Variants in NRP1 observed in about 807,000 individuals in gnomAD.
NRP1 encodes the protein neuropilin-1.
In NRP1, 35 loss-of-function variants were observed where a neutral mutation model predicts 106.7. That is an observed-to-expected ratio of 0.33 (90% CI 0.25 to 0.43). The LOEUF is 0.43. NRP1 is among the 20% of genes least tolerant of loss of function. The pLI is 1.00. For missense variants in NRP1, 1,024 were observed against 1,170.4 expected (o/e 0.87, Z 1.83); for synonymous variants, 437 against 417.9 (o/e 1.05, Z -0.56).
intron 6 of NRP1, among the ~76,000 whole-genome samples, chr10:33,230,942 G>A (rs1399359229): frequency 1.3e-5 from 2 of 152,138 alleles, no homozygotes; most frequent in Admixed American, 1.3e-4. Context: ...TCTCACTGGT[G>A]TAGATGTCTC....
chr10:33,308,859 T>C (rs1259219092), intron 2 of NRP1, among the ~76,000 whole-genome samples: 6 of 152,120 alleles, frequency 3.9e-5, no homozygotes, highest in African/African-American at 1.2e-4. Context: ...GCCAAAAATA[T>C]ATATTTTAAA....
At chr10:33,299,786 T>TA (rs1305924403) in intron 2 of NRP1, among the ~76,000 whole-genome samples, 4 of 151,916 alleles carry the variant, frequency 2.6e-5, no homozygotes, top group African/African-American at 4.8e-5. Context: ...ACCCCGTCTC[T>TA]AAAAAAAATA....
chr10:33,228,943 C>A (rs1839894945), intron 6 of NRP1, among the ~76,000 whole-genome samples: 1 of 152,140 alleles, frequency 6.6e-6, no homozygotes, highest in Non-Finnish European at 1.5e-5. Context: ...CCAAAATTTG[C>A]ATTTGTTTTT....
chr10:33,264,743 T>C (rs1842808101), intron 3 of NRP1, among the ~76,000 whole-genome samples: 1 of 152,322 alleles, frequency 6.6e-6, no homozygotes, highest in African/African-American at 2.4e-5. Flanking sequence ...ACCTTATGCC[T>C]GTATGAATGA....
At chr10:33,254,794 T>G (rs1326100545) in intron 5 of NRP1, among the ~76,000 whole-genome samples, 1 of 152,196 alleles carries the variant, frequency 6.6e-6, no homozygotes, top group Non-Finnish European at 1.5e-5. Context: ...GGGGGTAAAC[T>G]GCACTGTCAC....
intron 2 of NRP1, among the ~76,000 whole-genome samples, chr10:33,271,166 C>T (rs1843288226): frequency 6.6e-6 from 1 of 152,120 alleles, no homozygotes; most frequent in South Asian, 2.1e-4. Context: ...GAGCACAATC[C>T]TCTATTATTA....
At chr10:33,327,697 A>G (rs1847987431) in intron 2 of NRP1, among the ~76,000 whole-genome samples, 1 of 152,104 alleles carries the variant, frequency 6.6e-6, no homozygotes, top group South Asian at 2.1e-4. Context: ...AATCCCCTGT[A>G]AAATTTAAAT....
chr10:33,324,591 T>C (rs1397483886), intron 2 of NRP1, among the ~76,000 whole-genome samples: 2 of 150,184 alleles, frequency 1.3e-5, no homozygotes, highest in Non-Finnish European at 2.9e-5. Context: ...ATTTTTTCTA[T>C]ATCCACTCCA....
intron 4 of NRP1, among the ~76,000 whole-genome samples, chr10:33,261,361 T>C (rs1842559231): frequency 6.6e-6 from 1 of 152,220 alleles, no homozygotes; most frequent in Non-Finnish European, 1.5e-5. Flanking sequence ...AAATGAAAGT[T>C]CTAGAAAGGA....
intron 9 of NRP1, among the ~76,000 whole-genome samples, chr10:33,210,289 T>C (rs970886216): frequency 2.0e-5 from 3 of 152,130 alleles, no homozygotes; most frequent in Non-Finnish European, 2.9e-5. Context: ...CACATATTAT[T>C]GTGAGGCCCA....
At chr10:33,265,610 A>T (rs532507838) in intron 3 of NRP1, among the ~76,000 whole-genome samples, 1 of 152,238 alleles carries the variant, frequency 6.6e-6, no homozygotes, top group Non-Finnish European at 1.5e-5. Flanking sequence ...CCTCATGCAC[A>T]TATCGGCTAT....
In NRP1 at chr10:33,186,349, G is replaced by A. The variant is rs752105520; in HGVS notation, c.2202C>T (p.Gly734=). The stretch of plus-strand genomic sequence containing the variant: ...GGTAGCGCAGTTTGACCCTGAGTGT[G>A]CCGACGTGGGACCCAGACATGTGAT... ...FWYHMSGSHV[G]TLRVKLRYQK... The change falls in exon 14 of 17, where the codon GGC becomes GGT. Residue 734 remains glycine (G), a synonymous_variant. Coordinates refer to ENST00000374867, the MANE Select transcript of NRP1 (RefSeq NM_003873.7). 6 of 1,614,148 alleles carry A rather than the reference G, an allele frequency of 3.7e-6. No individual in the cohort carries two copies. In the South Asian group the frequency reaches 5.5e-5, roughly 15 times the overall value.
intron 2 of NRP1, among the ~76,000 whole-genome samples, chr10:33,293,754 C>T (rs1271683507): frequency 6.6e-6 from 1 of 152,222 alleles, no homozygotes; most frequent in East Asian, 1.9e-4. Context: ...TGCACACACA[C>T]ACGTGCTCAA....
intron 2 of NRP1, among the ~76,000 whole-genome samples, chr10:33,297,611 C>A (rs1274871232): frequency 6.7e-6 from 1 of 149,956 alleles, no homozygotes; most frequent in African/African-American, 2.5e-5. Flanking sequence ...TGCTTGAACC[C>A]AGGAGGCAGA....
chr10:33,185,816 A>AAAT (rs1835969001), intron 14 of NRP1, 92 bp from the exon 15 acceptor site: 1 of 1,111,542 alleles, frequency 9.0e-7, no homozygotes, highest in African/African-American at 1.5e-5. Context: ...TACGGCACAT[A>AAAT]AATTAAATTC....
intron 2 of NRP1, among the ~76,000 whole-genome samples, chr10:33,272,190 A>C (rs1265819144): frequency 6.6e-6 from 1 of 152,220 alleles, no homozygotes; most frequent in Non-Finnish European, 1.5e-5. Flanking sequence ...ATCACTAGTA[A>C]AAGTGGACAG....
At chr10:33,309,411 G>A (rs1846408435) in intron 2 of NRP1, among the ~76,000 whole-genome samples, 1 of 152,186 alleles carries the variant, frequency 6.6e-6, no homozygotes, top group South Asian at 2.1e-4. Flanking sequence ...TGTTCTGCGT[G>A]TATTTCTTTC....
intron 3 of NRP1, among the ~76,000 whole-genome samples, chr10:33,265,066 C>T (rs960828452): frequency 2.6e-5 from 4 of 152,076 alleles, no homozygotes; most frequent in Admixed American, 2.0e-4. Context: ...GCCGAGATCA[C>T]ACCACTGCAC....
chr10:33,253,284 G>C (rs1382959008), intron 6 of NRP1, among the ~76,000 whole-genome samples: 1 of 152,178 alleles, frequency 6.6e-6, no homozygotes, highest in Non-Finnish European at 1.5e-5. Context: ...GGCGATGAGA[G>C]GGGGTAGATT....
Sources: allele counts gnomAD v4.1 joint callset (sites outside exome capture counted in the v4.1 genomes callset), GRCh38; gene constraint gnomAD v4.1.1; transcripts MANE v1.5; gene names NCBI Gene and HGNC (gene_info 2026-07-23, HGNC 2026-07-21).